The following AIPL1 variants were observed in gnomAD, a reference collection of about 807,000 sequenced individuals.
The protein encoded by AIPL1 is aryl-hydrocarbon-interacting protein-like 1.
In AIPL1, 23 loss-of-function variants were observed where a neutral mutation model predicts 32.9. The ratio of observed to expected loss-of-function variants is 0.70; its 90% CI spans 0.50 to 0.99. The LOEUF (loss-of-function observed/expected upper bound fraction) is 0.99. Ranked by LOEUF, AIPL1 falls within the 50% of genes least tolerant of loss-of-function variation. AIPL1 has a pLI of 0.00. For missense variants in AIPL1, 485 were observed against 506.0 expected (o/e 0.96, Z 0.40); for synonymous variants, 210 against 209.4 (o/e 1.00, Z -0.02).
chr17:6,435,082 T>C lies in AIPL1; in HGVS notation c.23A>G (p.Asn8Ser), dbSNP rs1913053614. Residue 8 changes from asparagine (N) to serine (S), a missense_variant, in exon 1 of 6, where the codon AAC (asparagine) becomes AGC (serine). Coordinates refer to ENST00000381129, the MANE Select transcript of AIPL1 (RefSeq NM_014336.5). ...AATGGTTTTCTTGACCCCTTCCACG[T>C]TCAGGAGCAGAGCGGCATCCATGGC... MDAALLLNVEGVKKTILH... is the reference protein window; with the variant it reads MDAALLLSVEGVKKTILH... 1.2e-6 allele frequency: 2 copies of C among 1,614,000 alleles called. No homozygotes were observed. Among genetic ancestry groups the C allele is most frequent in the African/African-American group, 2.7e-5 (2 of 74,902 alleles).
chr17:6,434,322 C>T (rs1216717659), intron 1 of AIPL1, among the ~76,000 whole-genome samples: 4 of 150,506 alleles, frequency 2.7e-5, no homozygotes, highest in East Asian at 4.0e-4. Context: ...CAGCCCTGTG[C>T]GTCCAGAAAT....
chr17:6,434,853 T>C lies in AIPL1; in HGVS notation c.96+156A>G, dbSNP rs372775076. ...CAAAGTACCAAAAATGCCCCCTGAATGGGTAAACGCTGGGAGCTCCCCGGA... is the reference window on the plus strand; with the variant it reads ...CAAAGTACCAAAAATGCCCCCTGAACGGGTAAACGCTGGGAGCTCCCCGGA... On this transcript the variant is annotated intron_variant, in intron 1 of 5. Transcript: ENST00000381129. 2.9e-5 allele frequency: 39 copies of C among 1,356,212 alleles called. No homozygotes were observed. In the East Asian group the frequency reaches 5.1e-4, roughly 18 times the overall value. 84.0% of individuals were successfully genotyped at this position (1,356,212 alleles called of 1,614,324 possible). A position where few individuals can be genotyped will look rare whatever the true frequency, so the allele number is the denominator to read the frequency against.
intron 3 of AIPL1, 125 bp downstream of exon 3, chr17:6,428,193 C>T (rs1353501369): frequency 9.1e-7 from 1 of 1,096,202 alleles, no homozygotes; most frequent in Non-Finnish European, 1.3e-6. Context: ...CTTATGAACC[C>T]TCTCGTATTA....
At chr17:6,428,077 C>T (rs749628158) in intron 3 of AIPL1, among the ~76,000 whole-genome samples, 3 of 137,286 alleles carry the variant, frequency 2.2e-5, no homozygotes, top group Non-Finnish European at 4.8e-5. Flanking sequence ...CCCTCGGCCT[C>T]CCAAAGTGCT....
chr17:6,428,243 TG>T (rs1597330686), intron 3 of AIPL1, 74 bp downstream of exon 3: 7 of 1,530,698 alleles, frequency 4.6e-6, no homozygotes, highest in Non-Finnish European at 6.2e-6. Context: ...GCCAGTGGGG[TG>T]GGGGTGCCCA....
chr17:6,426,157 A>T, intron 5 of AIPL1: 1 of 1,309,820 alleles, frequency 7.6e-7, no homozygotes, highest in East Asian at 3.3e-5. Flanking sequence ...GATTATGAGG[A>T]TTAAATGAGA....
chr17:6,427,713 G>A (rs933163661), intron 3 of AIPL1, among the ~76,000 whole-genome samples: 1 of 152,070 alleles, frequency 6.6e-6, no homozygotes, highest in African/African-American at 2.4e-5. Flanking sequence ...CCAAGGAGGC[G>A]GTTATAATCT....
Position 6,426,625 on chromosome 17 carries a change from C to T in AIPL1, c.774G>A (p.Arg258=), listed in dbSNP as rs780310556. ...EVLEHTSDIL[R]HHPGIVKAYY... The stretch of plus-strand genomic sequence containing the variant: ...TGCAGCCCCGCGCACCTGGGTGGTG[C>T]CGGAGAATATCACTGGTGTGCTCCA... The change falls in exon 5 of 6, where the codon CGG becomes CGA. Residue 258 remains arginine (R), a synonymous_variant. Coordinates refer to ENST00000381129, the MANE Select transcript of AIPL1 (RefSeq NM_014336.5). 1 of 1,613,954 alleles carries T rather than the reference C, an allele frequency of 6.2e-7. No individual in the cohort carries two copies. Among genetic ancestry groups the T allele is most frequent in the Non-Finnish European group, 8.5e-7 (1 of 1,179,984 alleles).
intron 5 of AIPL1, 35 bp downstream of exon 5, chr17:6,426,580 G>A (rs759487522): frequency 2.5e-6 from 4 of 1,606,204 alleles, no homozygotes; most frequent in Admixed American, 1.7e-5. Flanking sequence ...TGGGCTGGGC[G>A]CCCCCTCACT....
At position 6,425,328 on chromosome 17, in the gene AIPL1, A is replaced by G. The variant is rs1233157444; in HGVS notation, c.*132T>C. 5.9e-6 allele frequency: 6 copies of G among 1,009,940 alleles called. No individual in the cohort carries two copies. In the African/African-American group the frequency reaches 8.8e-5, roughly 15 times the overall value. The allele number at this position is 1,009,940 out of a possible 1,614,324, so 62.6% of individuals were successfully genotyped here. On this transcript the variant is annotated 3_prime_UTR_variant, in exon 6 of 6. Coordinates refer to ENST00000381129, the MANE Select transcript of AIPL1 (RefSeq NM_014336.5). ...GATTGTTTTTTTTTTTTTTTTTACC[A>G]TGGGTGTGTCTGACTTTGATTTCAA...
chr17:6,430,445 A>T (rs971471435), intron 2 of AIPL1, among the ~76,000 whole-genome samples: 2 of 131,836 alleles, frequency 1.5e-5, no homozygotes, highest in Non-Finnish European at 3.2e-5. Context: ...AACAAGAGCG[A>T]AAGTCCGTCT....
intron 3 of AIPL1, 60 bp downstream of exon 3, chr17:6,428,258 T>C (rs1912193090): frequency 1.3e-6 from 2 of 1,587,544 alleles, no homozygotes; most frequent in Non-Finnish European, 1.7e-6. Context: ...GTGCCCATGA[T>C]GCCCGCTGTC....
chr17:6,425,488 G>A lies in AIPL1; in HGVS notation c.1127C>T (p.Pro376Leu), dbSNP rs1333977042. The stretch of plus-strand genomic sequence containing the variant: ...GTGCTGCAGCGAGTGCCCTGGGGAC[G>A]GGGGTGGCTCTGTGGCTGGCTCTGC... ...PPAEPATEPP[P>L]SPGHSLQH The change falls in exon 6 of 6, where the codon CCG becomes CTG. Residue 376 changes from proline to leucine, a missense_variant. Physicochemically the swap from Pro to Leu is moderately conservative, Grantham distance 98. Transcript: ENST00000381129. 1.1e-5 allele frequency: 17 copies of A among 1,604,580 alleles called. No individual in the cohort carries two copies. Among genetic ancestry groups the A allele is most frequent in the Middle Eastern group, 1.7e-4 (1 of 5,972 alleles).
intron 5 of AIPL1, chr17:6,426,223 C>T (rs951825350): frequency 1.6e-6 from 2 of 1,275,048 alleles, no homozygotes; most frequent in Admixed American, 3.7e-5. Context: ...GATGTTTTTA[C>T]TGTGAGCACG....
Position 6,426,911 on chromosome 17 carries a change from G to A in AIPL1, c.612C>T (p.Ala204=), listed in dbSNP as rs1567637033. The A allele has an allele frequency of 2.5e-6, 4 of 1,614,182 alleles. No individual in the cohort carries two copies. The highest frequency in any genetic ancestry group is 3.4e-6 in the Non-Finnish European group (4 of 1,180,044). ...TCTGCAGGTTCCTTAGGCAGATGATGGCCTCCTGGTACTTGGAAGAGGCCT... is the reference window on the plus strand; with the variant it reads ...TCTGCAGGTTCCTTAGGCAGATGATAGCCTCCTGGTACTTGGAAGAGGCCT... ...YEEASSKYQE[A]IICLRNLQTK... is the part of the protein sequence containing the mutation. The change falls in exon 4 of 6, where the codon GCC becomes GCT. Residue 204 remains alanine (A), a synonymous_variant. Transcript: ENST00000381129.
At chr17:6,434,356 CTTTTTTT>C (rs71381392) in intron 1 of AIPL1, among the ~76,000 whole-genome samples, 3 of 105,012 alleles carry the variant, frequency 2.9e-5, no homozygotes, top group Non-Finnish European at 1.8e-5. Flanking sequence ...AGCCCGAGTT[CTTTTTTT>C]TTTTTTTTTT....
chr17:6,426,947 G>A lies in AIPL1; in HGVS notation c.576C>T (p.Gly192=). ...ACTTGGAAGAGGCCTCCTCGTAGCG[G>A]CCCAGCTTGAAGAGCCGATTTCCCT... is the stretch of plus-strand genomic sequence containing the variant. ...HGEGNRLFKL[G]RYEEASSKYQ... is the part of the protein sequence containing the mutation. Residue 192 remains glycine (G), a synonymous_variant, in exon 4 of 6, where the codon GGC becomes GGT. Coordinates refer to ENST00000381129, the MANE Select transcript of AIPL1 (RefSeq NM_014336.5). 1 of 1,614,184 alleles carries A rather than the reference G, an allele frequency of 6.2e-7. No homozygotes were observed. The highest frequency in any genetic ancestry group is 8.5e-7 in the Non-Finnish European group (1 of 1,180,036).
chr17:6,428,064 AC>A (rs1337031148), intron 3 of AIPL1, among the ~76,000 whole-genome samples: 1 of 144,864 alleles, frequency 6.9e-6, no homozygotes, highest in East Asian at 2.1e-4. Flanking sequence ...AGGTGATCCA[AC>A]CCCCTCGGCC....
intron 2 of AIPL1, among the ~76,000 whole-genome samples, chr17:6,433,586 A>ATCTATCTCTC (rs1912822308): frequency 1.5e-5 from 1 of 65,620 alleles, no homozygotes; most frequent in African/African-American, 6.5e-5. Context: ...GCGAGACCCT[A>ATCTATCTCTC]TCTCTCTCTC....
Sources: gnomAD v4.1 joint callset for allele counts (sites outside exome capture counted in the v4.1 genomes callset) on GRCh38, gnomAD v4.1.1 for gene constraint, MANE v1.5 for transcripts, NCBI Gene and HGNC (gene_info 2026-07-23, HGNC 2026-07-21) for gene names.